INPP4B: variants seen among roughly 807,000 people sequenced by gnomAD.
The protein encoded by INPP4B is inositol polyphosphate-4-phosphatase type II B.
A neutral mutation model predicts 122.5 loss-of-function variants in INPP4B; 55 were observed. That is an observed-to-expected ratio of 0.45 (90% CI 0.36 to 0.56). The LOEUF is 0.56. Ranked by LOEUF, INPP4B falls within the 20% of genes least tolerant of loss-of-function variation. The pLI is 0.00. For synonymous variants in INPP4B, 403 were observed against 388.7 expected (o/e 1.04, Z -0.43); for missense variants, 1,000 against 1,097.7 (o/e 0.91, Z 1.26).
chr4:142,303,728 A>G (rs371203225), intron 9 of INPP4B, among the ~76,000 whole-genome samples: 5 of 152,072 alleles, frequency 3.3e-5, no homozygotes, highest in East Asian at 3.8e-4. Flanking sequence ...AGAAAAGTCA[A>G]TTCTTCGTTG....
At chr4:142,192,043 T>G (rs1029657612) in intron 15 of INPP4B, among the ~76,000 whole-genome samples, 21 of 152,118 alleles carry the variant, frequency 1.4e-4, no homozygotes, top group African/African-American at 4.3e-4. Context: ...AAAAATTTTC[T>G]GGTTTTGGCA....
chr4:142,770,662 C>T (rs1772901419), intron 1 of INPP4B, among the ~76,000 whole-genome samples: 1 of 151,964 alleles, frequency 6.6e-6, no homozygotes, highest in African/African-American at 2.4e-5. Context: ...GTTTCCTATA[C>T]CAAACAAGCA....
intron 3 of INPP4B, among the ~76,000 whole-genome samples, chr4:142,447,382 G>A (rs1813143401): frequency 6.6e-6 from 1 of 152,114 alleles, no homozygotes. Flanking sequence ...GTGACCAAAG[G>A]GTCTCTAGGC....
intron 22 of INPP4B, among the ~76,000 whole-genome samples, chr4:142,110,956 G>C (rs965044909): frequency 2.0e-5 from 3 of 152,046 alleles, no homozygotes; most frequent in Non-Finnish European, 4.4e-5. Flanking sequence ...ACACTCTACT[G>C]TAGTGTACCG....
At chr4:142,123,570 A>G (rs1439905607) in intron 19 of INPP4B, among the ~76,000 whole-genome samples, 155 bp from the exon 20 acceptor site, 1 of 152,210 alleles carries the variant, frequency 6.6e-6, no homozygotes, top group Non-Finnish European at 1.5e-5. Context: ...ACAAGTTGAC[A>G]GTCTTTGATC....
intron 14 of INPP4B, among the ~76,000 whole-genome samples, chr4:142,199,831 G>A (rs1020530029): frequency 7.9e-5 from 12 of 152,000 alleles, no homozygotes; most frequent in Non-Finnish European, 1.6e-4. Context: ...TGTATGTTTC[G>A]GTACTACTTT....
At chr4:142,158,592 A>G (rs575160440) in intron 17 of INPP4B, among the ~76,000 whole-genome samples, 9 of 152,228 alleles carry the variant, frequency 5.9e-5, no homozygotes, top group African/African-American at 1.4e-4. Flanking sequence ...ACTGTCTTCT[A>G]TCATGTTTCT....
chr4:142,042,465 C>A (rs1560913358), intron 25 of INPP4B, among the ~76,000 whole-genome samples: 1 of 152,004 alleles, frequency 6.6e-6, no homozygotes, highest in South Asian at 2.1e-4. Context: ...TGTTTTTAAA[C>A]TTGTTTCTCA....
intron 2 of INPP4B, among the ~76,000 whole-genome samples, chr4:142,474,941 C>T (rs995254776): frequency 1.3e-5 from 2 of 152,164 alleles, no homozygotes; most frequent in African/African-American, 4.8e-5. Flanking sequence ...CACTCACACC[C>T]ACCTGTCATA....
At chr4:142,478,567 C>A (rs779267734) in intron 2 of INPP4B, among the ~76,000 whole-genome samples, 32 of 151,840 alleles carry the variant, frequency 2.1e-4, no homozygotes, top group Non-Finnish European at 1.2e-4. Context: ...GTTTTTAGTT[C>A]GGTTTATGTG....
intron 5 of INPP4B, among the ~76,000 whole-genome samples, chr4:142,410,670 T>A (rs1189932954): frequency 6.6e-6 from 1 of 152,176 alleles, no homozygotes; most frequent in Non-Finnish European, 1.5e-5. Context: ...TGACTTTGGA[T>A]GAATTACTCA....
intron 15 of INPP4B, among the ~76,000 whole-genome samples, chr4:142,182,954 C>T (rs971054671): frequency 3.3e-5 from 5 of 152,196 alleles, no homozygotes; most frequent in African/African-American, 1.2e-4. Context: ...CAATCTTCAG[C>T]TGAAAACCTA....
chr4:142,354,506 G>A (rs1019238153), intron 7 of INPP4B, among the ~76,000 whole-genome samples: 6 of 151,804 alleles, frequency 4.0e-5, no homozygotes, highest in Non-Finnish European at 8.8e-5. Context: ...GGAATAAACC[G>A]GCCAGAACAA....
intron 2 of INPP4B, among the ~76,000 whole-genome samples, chr4:142,489,313 G>A (rs1449853148): frequency 7.2e-5 from 11 of 152,118 alleles, no homozygotes; most frequent in Non-Finnish European, 1.6e-4. Flanking sequence ...ATATGTACCT[G>A]AGAAAAATGT....
chr4:142,224,095 C>CA (rs1413801182), intron 12 of INPP4B, among the ~76,000 whole-genome samples: 2 of 151,442 alleles, frequency 1.3e-5, no homozygotes, highest in South Asian at 2.1e-4. Flanking sequence ...TCAGCCATGC[C>CA]AAAAAAAATC....
chr4:142,818,900 C>T (rs1287921463), intron 1 of INPP4B, among the ~76,000 whole-genome samples: 1 of 152,120 alleles, frequency 6.6e-6, no homozygotes, highest in Non-Finnish European at 1.5e-5. Context: ...ATCATATTGG[C>T]TTATGAGTTT....
intron 16 of INPP4B, among the ~76,000 whole-genome samples, chr4:142,160,829 T>C (rs768533681): frequency 6.6e-6 from 1 of 152,076 alleles, no homozygotes; most frequent in South Asian, 2.1e-4. Flanking sequence ...ACCTTCTCCC[T>C]TTTAGTTTCA....
chr4:142,623,821 TG>T (rs1227691867), intron 2 of INPP4B, among the ~76,000 whole-genome samples: 1 of 151,824 alleles, frequency 6.6e-6, no homozygotes, highest in African/African-American at 2.4e-5. Context: ...ATGTAGTGTT[TG>T]GTTTTTTGTC....
chr4:142,687,728 C>T (rs1759571925), intron 2 of INPP4B, among the ~76,000 whole-genome samples: 1 of 151,888 alleles, frequency 6.6e-6, no homozygotes, highest in Admixed American at 6.6e-5. Flanking sequence ...AAGACATAGC[C>T]CTGATTACTA....
Sources: allele counts gnomAD v4.1 joint callset (sites outside exome capture counted in the v4.1 genomes callset), GRCh38; gene constraint gnomAD v4.1.1; transcripts MANE v1.5; gene names NCBI Gene and HGNC (gene_info 2026-07-23, HGNC 2026-07-21).